FDX1: variants seen among roughly 807,000 people sequenced by gnomAD.
FDX1 encodes adrenodoxin, mitochondrial.
FDX1 carries 9 observed loss-of-function variants against 14.9 expected under a neutral mutation model. That is an observed-to-expected ratio of 0.60 (90% CI 0.36 to 1.05). The LOEUF is 1.05. FDX1 is among the 50% of genes least tolerant of loss of function. The pLI is 0.01. For missense variants in FDX1, 204 were observed against 237.2 expected, an observed-to-expected ratio of 0.86 and a Z score of 0.92; for synonymous variants, 92 against 99.4, an observed-to-expected ratio of 0.93 and a Z score of 0.44.
chr11:110,441,506 C>T (rs1296635633), intron 2 of FDX1, among the ~76,000 whole-genome samples: 2 of 152,220 alleles, frequency 1.3e-5, no homozygotes, highest in Non-Finnish European at 2.9e-5. Context: ...GTAAAGGTGA[C>T]TCTTGCTATG....
intron 2 of FDX1, among the ~76,000 whole-genome samples, chr11:110,438,813 G>GTT (rs961652676): frequency 6.6e-6 from 1 of 152,016 alleles, no homozygotes; most frequent in African/African-American, 2.4e-5. Context: ...TTGTTGATCT[G>GTT]TTTAAGTTCC....
At chr11:110,430,664 T>A (rs1489388420) in intron 1 of FDX1, among the ~76,000 whole-genome samples, 3 of 152,212 alleles carry the variant, frequency 2.0e-5, no homozygotes, top group Non-Finnish European at 2.9e-5. Context: ...TGACCTTTGC[T>A]CTGCCCGAAA....
In FDX1 at chr11:110,430,172, G is replaced by T; in HGVS notation, c.52G>T (p.Gly18Cys). 1.6e-6 allele frequency: 2 copies of T among 1,234,390 alleles called. No individual in the cohort carries two copies. Among genetic ancestry groups the T allele is most frequent in the South Asian group, 7.3e-5 (2 of 27,450 alleles). 76.5% of individuals were successfully genotyped at this position (1,234,390 alleles called of 1,614,324 possible). ...RLLRAASAVLGGPAGRWLHHA... is the reference protein window; with the variant it reads ...RLLRAASAVLCGPAGRWLHHA... ...GCTGCGCGCCGCTTCTGCTGTCCTC[G>T]GCGGCCCGGCCGGCCGGTGGCTGCA... Residue 18 changes from glycine to cysteine, a missense_variant, in exon 1 of 4, where the codon GGC (glycine) becomes TGC (cysteine). Coordinates refer to ENST00000260270, the MANE Select transcript of FDX1 (RefSeq NM_004109.5).
rs1044503183 is a variant in FDX1, at chr11:110,430,225, C to G, written c.105C>G (p.Ser35Arg). ...LHHAGSRAGS[S>R]GLLRNRGPGG... is the part of the protein sequence containing the mutation. ...ACGCTGGGTCCCGCGCTGGATCCAG[C>G]GGCCTGCTGAGGAACCGGGGGCCGG... The change falls in exon 1 of 4, where the codon AGC (serine) becomes AGG (arginine). Residue 35 changes from serine to arginine, a missense_variant. Coordinates refer to ENST00000260270, the MANE Select transcript of FDX1 (RefSeq NM_004109.5). 2 of 1,209,036 alleles carry G rather than the reference C, an allele frequency of 1.7e-6. No homozygotes were observed. Among genetic ancestry groups the G allele is most frequent in the East Asian group, 6.8e-5 (2 of 29,436 alleles). The allele number at this position is 1,209,036 out of a possible 1,614,324, so 74.9% of individuals were successfully genotyped here. A position where few individuals can be genotyped will look rare whatever the true frequency, so the allele number is the denominator to read the frequency against.
Position 110,462,643 on chromosome 11 carries a change from T to A in FDX1, c.*175T>A. ...GTCATTCTTGAAAGTATGCAATTTT[T>A]ATTTTGGTTATATTACAAAAATGTC... On this transcript the variant is annotated 3_prime_UTR_variant, in exon 4 of 4. Coordinates refer to ENST00000260270, the MANE Select transcript of FDX1 (RefSeq NM_004109.5). 1 of 387,102 alleles carries A rather than the reference T, an allele frequency of 2.6e-6. No individual in the cohort carries two copies. The highest frequency in any genetic ancestry group is 4.6e-6 in the Non-Finnish European group (1 of 218,132). 24.0% of individuals were successfully genotyped at this position (387,102 alleles called of 1,614,324 possible).
At position 110,435,952 on chromosome 11, in the gene FDX1, G is replaced by A. The variant is rs896152656; in HGVS notation, c.304G>A (p.Gly102Ser). 1 of 1,609,034 alleles carries A rather than the reference G, an allele frequency of 6.2e-7. No homozygotes were observed. Among genetic ancestry groups the A allele is most frequent in the African/African-American group, 1.3e-5 (1 of 74,686 alleles). ...GGTTGAAAATAATCTAGATATTGATGGCTTTGGTGAGTATGAAACATTTCT... is the reference window on the plus strand; with the variant it reads ...GGTTGAAAATAATCTAGATATTGATAGCTTTGGTGAGTATGAAACATTTCT... ...VVVENNLDID[G>S]FGACEGTLAC... Residue 102 changes from glycine to serine, a missense_variant, in exon 2 of 4, where the codon GGC becomes AGC. Gly to Ser is a moderately conservative substitution (Grantham distance 56, BLOSUM62 0). Coordinates refer to ENST00000260270, the MANE Select transcript of FDX1 (RefSeq NM_004109.5).
At chr11:110,446,008 T>G (rs1183140310) in intron 2 of FDX1, among the ~76,000 whole-genome samples, 5 of 152,162 alleles carry the variant, frequency 3.3e-5, no homozygotes, top group Non-Finnish European at 7.4e-5. Context: ...AATGTAAATT[T>G]AAAAATTCTG....
At chr11:110,461,545 G>A (rs546834478) in intron 3 of FDX1, among the ~76,000 whole-genome samples, 17 of 135,378 alleles carry the variant, frequency 1.3e-4, no homozygotes, top group South Asian at 4.9e-4. Context: ...AATAAAATTA[G>A]TAGTAATTCT....
intron 3 of FDX1, among the ~76,000 whole-genome samples, chr11:110,460,159 T>C (rs973017526): frequency 6.6e-6 from 1 of 152,238 alleles, no homozygotes; most frequent in Non-Finnish European, 1.5e-5. Context: ...TAATGCATAA[T>C]TGAGTATTGT....
At position 110,435,934 on chromosome 11, in the gene FDX1, A is replaced by G. The variant is rs1468506070; in HGVS notation, c.286A>G (p.Asn96Asp). ...TTCTCTGCTAGATGTTGTGGTTGAA[A>G]ATAATCTAGATATTGATGGCTTTGG... ...GDSLLDVVVE[N>D]NLDIDGFGAC... The change falls in exon 2 of 4, where the codon AAT becomes GAT. Residue 96 changes from asparagine to aspartate, a missense_variant. Asn to Asp is a conservative substitution (Grantham distance 23). Coordinates refer to ENST00000260270, the MANE Select transcript of FDX1 (RefSeq NM_004109.5). 2.5e-6 allele frequency: 4 copies of G among 1,612,358 alleles called. No individual in the cohort carries two copies. The Admixed American group carries it at 6.7e-5, about 27-fold the overall frequency.
chr11:110,438,140 G>C (rs1403240693), intron 2 of FDX1, among the ~76,000 whole-genome samples: 1 of 152,180 alleles, frequency 6.6e-6, no homozygotes, highest in East Asian at 1.9e-4. Context: ...TCTTGGGTAT[G>C]TACCCAGTAC....
At chr11:110,444,137 A>G (rs1355941569) in intron 2 of FDX1, among the ~76,000 whole-genome samples, 1 of 152,078 alleles carries the variant, frequency 6.6e-6, no homozygotes, top group African/African-American at 2.4e-5. Flanking sequence ...TCCTTTGCCA[A>G]TCCAATGTCT....
chr11:110,463,362 A>AGG lies in FDX1; in HGVS notation c.*896_*897dup, dbSNP rs1297442413. The AGG allele has an allele frequency of 6.6e-6, 1 of 152,274 alleles. No individual in the cohort carries two copies. Among genetic ancestry groups the AGG allele is most frequent in the Non-Finnish European group, 1.5e-5 (1 of 68,060 alleles). The allele number at this position is 152,274 out of a possible 1,614,324, so 9.4% of individuals were successfully genotyped here. ...TTCTCTCACGCAAGGATGGGGCTGC[A>AGG]GGGTGAGCAGCGTGGGCTGCAGTGT... On this transcript the variant is annotated 3_prime_UTR_variant, in exon 4 of 4. Coordinates refer to ENST00000260270, the MANE Select transcript of FDX1 (RefSeq NM_004109.5).
In FDX1 at chr11:110,462,685, ATAGT is replaced by A. The variant is rs1478379962; in HGVS notation, c.*220_*223del. 23 of 339,980 alleles carry A rather than the reference ATAGT, an allele frequency of 6.8e-5. No individual in the cohort carries two copies. Among genetic ancestry groups the A allele is most frequent in the Non-Finnish European group, 4.8e-5 (9 of 187,756 alleles). 21.1% of individuals were successfully genotyped at this position (339,980 alleles called of 1,614,324 possible). ...AAAAATGTCAATCAAATATTAAAAA[ATAGT>A]TAATGTGATAGAAAAACCTTACATA... On this transcript the variant is annotated 3_prime_UTR_variant, in exon 4 of 4. Coordinates refer to ENST00000260270, the MANE Select transcript of FDX1 (RefSeq NM_004109.5).
At chr11:110,445,395 TTACAG>T (rs1210618413) in intron 2 of FDX1, among the ~76,000 whole-genome samples, 1 of 141,208 alleles carries the variant, frequency 7.1e-6, no homozygotes, top group East Asian at 2.2e-4. Context: ...TGACTATATA[TTACAG>T]TACAGTTTTT....
intron 2 of FDX1, among the ~76,000 whole-genome samples, chr11:110,456,101 T>A (rs977411203): frequency 2.0e-5 from 3 of 152,200 alleles, no homozygotes; most frequent in Non-Finnish European, 4.4e-5. Context: ...AATATTCTGA[T>A]TATTTAAGAC....
At chr11:110,434,738 T>TTG (rs1199681675) in intron 1 of FDX1, among the ~76,000 whole-genome samples, 2 of 140,574 alleles carry the variant, frequency 1.4e-5, no homozygotes, top group Admixed American at 1.4e-4. Context: ...TTTTTTTTTT[T>TTG]TTTTTTTTTT....
chr11:110,461,514 AAAGAAG>A (rs1278999461), intron 3 of FDX1, among the ~76,000 whole-genome samples: 1 of 150,916 alleles, frequency 6.6e-6, no homozygotes, highest in African/African-American at 2.4e-5. Flanking sequence ...AAAAAAAAAA[AAAGAAG>A]GAAAATAAAC....
At chr11:110,460,833 G>C (rs1418758419) in intron 3 of FDX1, among the ~76,000 whole-genome samples, 1 of 152,212 alleles carries the variant, frequency 6.6e-6, no homozygotes, top group Non-Finnish European at 1.5e-5. Context: ...ATTCTGCACT[G>C]CTGGTCTCTT....
Sources: gnomAD v4.1 joint callset for allele counts (sites outside exome capture counted in the v4.1 genomes callset) on GRCh38, gnomAD v4.1.1 for gene constraint, MANE v1.5 for transcripts, NCBI Gene and HGNC (gene_info 2026-07-23, HGNC 2026-07-21) for gene names.